Variants in HNRNPA1 observed in about 807,000 individuals in gnomAD.
The protein encoded by HNRNPA1 is heterogeneous nuclear ribonucleoprotein A1.
A neutral mutation model predicts 44.4 loss-of-function variants in HNRNPA1; 7 were observed. That is an observed-to-expected ratio of 0.16 (90% CI 0.09 to 0.30). HNRNPA1 has a LOEUF of 0.30. HNRNPA1 is among the 10% of genes least tolerant of loss of function. The pLI is 1.00. For missense variants in HNRNPA1, 193 were observed against 465.8 expected, an observed-to-expected ratio of 0.41 and a Z score of 5.39; for synonymous variants, 169 against 160.6, an observed-to-expected ratio of 1.05 and a Z score of -0.40.
At position 54,283,661 on chromosome 12, in the gene HNRNPA1, C is replaced by A. The variant is rs1286161889; in HGVS notation, c.908-151C>A. The A allele has an allele frequency of 9.2e-6, 7 of 764,552 alleles. No individual in the cohort carries two copies. In the East Asian group the frequency reaches 1.7e-4, roughly 19 times the overall value. The allele number at this position is 764,552 out of a possible 1,614,324, so 47.4% of individuals were successfully genotyped here. On this transcript the variant is annotated intron_variant, in intron 8 of 10. Transcript: ENST00000340913. Reference sequence around the variant, plus strand: ...CTGGATTATTCAACTGAATGCCTTTCCCAGAGAATGAAATGCAAAGATTGG... The same window carrying A: ...CTGGATTATTCAACTGAATGCCTTTACCAGAGAATGAAATGCAAAGATTGG...
rs1229019417 is a variant in HNRNPA1, at chr12:54,283,827, G to A, written c.923G>A (p.Gly308Asp). The change falls in exon 9 of 11, where the codon GGT becomes GAT. Residue 308 changes from glycine (G) to aspartate (D), a missense_variant. Transcript: ENST00000340913. Reference protein sequence around the residue: ...FGGGSGSNFGGGGSYNDFGNY... With the variant: ...FGGGSGSNFGDGGSYNDFGNY... Reference sequence around the variant, plus strand: ...CCATTCATAGGAAGCAATTTTGGAGGTGGTGGAAGCTACAATGATTTTGGG... The same window carrying A: ...CCATTCATAGGAAGCAATTTTGGAGATGGTGGAAGCTACAATGATTTTGGG... 6.2e-7 allele frequency: 1 copy of A among 1,613,940 alleles called. No homozygotes were observed. The highest frequency in any genetic ancestry group is 1.3e-5 in the African/African-American group (1 of 75,024).
At chr12:54,283,729 T>G (rs1427752723) in intron 8 of HNRNPA1, 83 bp from the exon 9 acceptor site, 1 of 1,368,182 alleles carries the variant, frequency 7.3e-7, no homozygotes, top group African/African-American at 1.4e-5. Flanking sequence ...TAACTCAACC[T>G]TATTTTATTC....
chr12:54,282,991 G>T, intron 7 of HNRNPA1, 88 bp from the exon 8 acceptor site: 1 of 1,517,402 alleles, frequency 6.6e-7, no homozygotes. Flanking sequence ...TAACACGCAT[G>T]CTGTGAGCAG....
Position 54,283,926 on chromosome 12 carries a change from A to G in HNRNPA1, c.1022A>G (p.Tyr341Cys). ...GNFGGRSSGP[Y>C]GGGGQYFAKP... ...TTTGGAGGCAGAAGCTCTGGCCCCTATGGCGGTGGAGGCCAATACTTTGCA... is the reference window on the plus strand; with the variant it reads ...TTTGGAGGCAGAAGCTCTGGCCCCTGTGGCGGTGGAGGCCAATACTTTGCA... Residue 341 changes from tyrosine to cysteine, a missense_variant, in exon 9 of 11, where the codon TAT becomes TGT. By Grantham distance (194) the Tyr-to-Cys change is radical. Transcript: ENST00000340913. The G allele has an allele frequency of 6.2e-7, 1 of 1,609,338 alleles. No individual in the cohort carries two copies. Among genetic ancestry groups the G allele is most frequent in the Non-Finnish European group, 8.5e-7 (1 of 1,180,010 alleles).
At chr12:54,281,251 A>G (rs1944162399) in intron 1 of HNRNPA1, 135 bp from the exon 2 acceptor site, 3 of 725,936 alleles carry the variant, frequency 4.1e-6, no homozygotes, top group South Asian at 3.1e-5. Context: ...CTTGATAGGC[A>G]GAAGCACGTG....
At chr12:54,283,286 A>G (rs1944208385) in intron 8 of HNRNPA1, 52 bp downstream of exon 8, 2 of 1,585,682 alleles carry the variant, frequency 1.3e-6, no homozygotes, top group South Asian at 2.3e-5. Flanking sequence ...TTAGCCTTTT[A>G]GAGCTTGGGT....
Position 54,283,080 on chromosome 12 carries a change from T to G in HNRNPA1, c.753T>G (p.Gly251=). ...GDGYNGFGND[G]GYGGGGPGYS... is the part of the protein sequence containing the mutation. The stretch of plus-strand genomic sequence containing the variant: ...TTGAGAAGAATTGTATTCTTGTAGG[T>G]GGTTATGGAGGAGGCGGCCCTGGTT... Residue 251 remains glycine, a splice_region_variant and synonymous_variant, in exon 8 of 11, where the codon GGT becomes GGG. Transcript: ENST00000340913. The G allele has an allele frequency of 6.2e-7, 1 of 1,612,556 alleles. No homozygotes were observed. Among genetic ancestry groups the G allele is most frequent in the South Asian group, 1.1e-5 (1 of 90,982 alleles).
At chr12:54,282,727 C>T (rs969101132) in intron 6 of HNRNPA1, 62 bp downstream of exon 6, 2 of 1,590,922 alleles carry the variant, frequency 1.3e-6, no homozygotes, top group Non-Finnish European at 1.7e-6. Flanking sequence ...GAAGATTTTA[C>T]AGTACGGGAA....
At chr12:54,281,656 C>A (rs1382457415) in intron 2 of HNRNPA1, 139 bp from the exon 3 acceptor site, 2 of 1,063,064 alleles carry the variant, frequency 1.9e-6, no homozygotes, top group Non-Finnish European at 2.8e-6. Flanking sequence ...AAAGCTACCT[C>A]TTAAATCTAG....
rs767053244 is a variant in HNRNPA1, at chr12:54,285,555, CTAAT to C, written c.*1017_*1020del. On this transcript the variant is annotated 3_prime_UTR_variant, in exon 11 of 11. Coordinates refer to ENST00000340913, the MANE Select transcript of HNRNPA1 (RefSeq NM_031157.4). ...TCAGAGGTTCTATCAGTTAACTATA[CTAAT>C]TAATTTGGAGATTCAAACCATACCA... 1.3e-5 allele frequency: 2 copies of C among 152,118 alleles called. No individual in the cohort carries two copies. Among genetic ancestry groups the C allele is most frequent in the Non-Finnish European group, 1.5e-5 (1 of 68,028 alleles). 9.4% of individuals were successfully genotyped at this position (152,118 alleles called of 1,614,324 possible). A position where few individuals can be genotyped will look rare whatever the true frequency, so the allele number is the denominator to read the frequency against.
At chr12:54,283,727 C>A (rs552824965) in intron 8 of HNRNPA1, 85 bp from the exon 9 acceptor site, 2 of 1,346,640 alleles carry the variant, frequency 1.5e-6, no homozygotes, top group Admixed American at 3.4e-5. Flanking sequence ...GATAACTCAA[C>A]CTTATTTTAT....
At position 54,285,858 on chromosome 12, in the gene HNRNPA1, GGGA is replaced by G. The variant is rs1205914465; in HGVS notation, c.*1323_*1325del. 2.0e-5 allele frequency: 3 copies of G among 150,692 alleles called. No homozygotes were observed. Among genetic ancestry groups the G allele is most frequent in the Admixed American group, 1.3e-4 (2 of 15,066 alleles). The allele number at this position is 150,692 out of a possible 1,614,324, so 9.3% of individuals were successfully genotyped here. ...ATCCCATGGGTGTGTTGGAAGTTTG[GGGA>G]GGAGGAGGGTGGTGGGAGGTGGGTG... On this transcript the variant is annotated 3_prime_UTR_variant, in exon 11 of 11. Transcript: ENST00000340913.
intron 2 of HNRNPA1, 132 bp from the exon 3 acceptor site, chr12:54,281,663 C>G: frequency 9.3e-7 from 1 of 1,075,910 alleles, no homozygotes; most frequent in Non-Finnish European, 1.4e-6. Flanking sequence ...CCTCTTAAAT[C>G]TAGGGTAGTG....
chr12:54,283,299 T>A, intron 8 of HNRNPA1, 65 bp downstream of exon 8: 1 of 1,553,056 alleles, frequency 6.4e-7, no homozygotes, highest in Non-Finnish European at 8.8e-7. Context: ...GCTTGGGTTC[T>A]GGTGCTGTTG....
chr12:54,284,086 A>G (rs1365136946), intron 9 of HNRNPA1, 119 bp downstream of exon 9: 24 of 1,351,504 alleles, frequency 1.8e-5, no homozygotes, highest in Non-Finnish European at 2.3e-5. Context: ...GAACCTTCAG[A>G]AAGTGATAAT....
rs1944243146 is a variant in HNRNPA1, at chr12:54,285,094, A to T, written c.*550A>T. ...GTTCACCATTAAAAGGGATTACCCA[A>T]GCAAAATCATGGAATGGTTATAAAA... is the stretch of plus-strand genomic sequence containing the variant. On this transcript the variant is annotated 3_prime_UTR_variant, in exon 11 of 11. Coordinates refer to ENST00000340913, the MANE Select transcript of HNRNPA1 (RefSeq NM_031157.4). 1 of 160,648 alleles carries T rather than the reference A, an allele frequency of 6.2e-6. No individual in the cohort carries two copies. Among genetic ancestry groups the T allele is most frequent in the East Asian group, 1.8e-4 (1 of 5,504 alleles). 10.0% of individuals were successfully genotyped at this position (160,648 alleles called of 1,614,324 possible). A position where few individuals can be genotyped will look rare whatever the true frequency, so the allele number is the denominator to read the frequency against.
chr12:54,283,410 AGAGAT>A (rs1320691750), intron 8 of HNRNPA1, among the ~76,000 whole-genome samples, 176 bp downstream of exon 8: 1 of 152,122 alleles, frequency 6.6e-6, no homozygotes, highest in Non-Finnish European at 1.5e-5. Flanking sequence ...CCCAAATAGT[AGAGAT>A]AAGTGGATAG....
intron 2 of HNRNPA1, 27 bp from the exon 3 acceptor site, chr12:54,281,768 T>TG (rs1158616381): frequency 6.3e-7 from 1 of 1,599,768 alleles, no homozygotes; most frequent in African/African-American, 1.3e-5. Context: ...TCAGACTTTG[T>TG]GTTACATAAA....
chr12:54,280,976 G>GAAAACCCGTCTCCCACA, intron 1 of HNRNPA1, 154 bp downstream of exon 1: 1 of 832,912 alleles, frequency 1.2e-6, no homozygotes. Context: ...TCGCCATTTT[G>GAAAACCCGTCTCCCACA]TCCTCTTGAT....
Sources: allele counts gnomAD v4.1 joint callset (sites outside exome capture counted in the v4.1 genomes callset), GRCh38; gene constraint gnomAD v4.1.1; transcripts MANE v1.5; gene names NCBI Gene and HGNC (gene_info 2026-07-23, HGNC 2026-07-21).